The following ADAMTS3 variants were observed in gnomAD, a reference collection of about 807,000 sequenced individuals.
ADAMTS3 encodes the protein ADAM metallopeptidase with thrombospondin type 1 motif 3.
Under a neutral mutation model 129.0 loss-of-function variants are expected in ADAMTS3, and 73 were observed. The ratio of observed to expected loss-of-function variants is 0.57; its 90% CI spans 0.47 to 0.69. ADAMTS3 has a LOEUF of 0.69. Ranked by LOEUF, ADAMTS3 falls within the 30% of genes least tolerant of loss-of-function variation. The pLI, the probability that ADAMTS3 is intolerant of heterozygous loss-of-function variation, is 0.00. For missense variants in ADAMTS3, 1,457 were observed against 1,514.5 expected (o/e 0.96, Z 0.63); for synonymous variants, 477 against 510.8 (o/e 0.93, Z 0.89).
chr4:72,416,172 A>AATATAGATATATATATACATATATGT (rs1553913388), intron 3 of ADAMTS3, among the ~76,000 whole-genome samples: 1 of 146,084 alleles, frequency 6.8e-6, no homozygotes, highest in African/African-American at 2.5e-5. Context: ...AGCAAATATA[A>AATATAGATATATATATACATATATGT]ATATAAATAT....
chr4:72,509,227 A>C (rs759826543), intron 3 of ADAMTS3, among the ~76,000 whole-genome samples: 1 of 151,930 alleles, frequency 6.6e-6, no homozygotes, highest in Non-Finnish European at 1.5e-5. Flanking sequence ...TAGAAATGCA[A>C]GAGCAAAGCA....
chr4:72,455,097 A>G (rs1260343150), intron 3 of ADAMTS3, among the ~76,000 whole-genome samples: 2 of 151,730 alleles, frequency 1.3e-5, no homozygotes, highest in African/African-American at 4.8e-5. Context: ...AATTATCAAT[A>G]ATAAAAATCA....
intron 3 of ADAMTS3, among the ~76,000 whole-genome samples, chr4:72,463,499 C>A (rs1043160418): frequency 2.0e-5 from 3 of 151,810 alleles, no homozygotes; most frequent in Admixed American, 2.0e-4. Flanking sequence ...AAGACAAAAG[C>A]CACAATGAAC....
chr4:72,464,527 T>G (rs1718867138), intron 3 of ADAMTS3, among the ~76,000 whole-genome samples: 1 of 152,004 alleles, frequency 6.6e-6, no homozygotes, highest in Non-Finnish European at 1.5e-5. Flanking sequence ...ACTATAAATT[T>G]TTAACTAAAT....
Position 72,526,241 on chromosome 4 carries a change from T to C in ADAMTS3, c.504+22237A>G, listed in dbSNP as rs187625797. ...CAGAGAGAGTCCAGGGTTGTGCTAT[T>C]TAAAGCTATAAGCAGCTACTGTGGA... On this transcript the variant is annotated intron_variant, in intron 3 of 21. Transcript: ENST00000286657. Among the ~76,000 whole-genome samples the C allele has an allele frequency of 2.0e-5, 3 of 152,258 alleles. No homozygotes were observed. In the East Asian group the frequency reaches 5.8e-4, roughly 29 times the overall value.
At chr4:72,409,772 C>T (rs1722142870) in intron 4 of ADAMTS3, among the ~76,000 whole-genome samples, 1 of 152,122 alleles carries the variant, frequency 6.6e-6, no homozygotes, top group South Asian at 2.1e-4. Flanking sequence ...ATAAGTCAAT[C>T]TTCATATTGC....
chr4:72,432,709 G>C (rs866578203), intron 3 of ADAMTS3, among the ~76,000 whole-genome samples: 3 of 152,050 alleles, frequency 2.0e-5, no homozygotes, highest in Admixed American at 1.3e-4. Flanking sequence ...CCTTGAGACT[G>C]TCCTCTTCAT....
At chr4:72,567,848 C>CT (rs1722056201) in intron 1 of ADAMTS3, among the ~76,000 whole-genome samples, 1 of 152,212 alleles carries the variant, frequency 6.6e-6, no homozygotes, top group Middle Eastern at 3.2e-3. Context: ...GCTACAAAAA[C>CT]TAACAGAGAA....
rs560932853 is a variant in ADAMTS3 at position 72,547,017 on chromosome 4, TACAGCAGAGGGA to T, written c.504+1449_504+1460del. ...TTACACGTTGCTGAGATGGAGAACGTACAGCAGAGGGAACCATGAGCATCTCAGTAAGAGACT... is the reference window on the plus strand; with the variant it reads ...TTACACGTTGCTGAGATGGAGAACGTACCATGAGCATCTCAGTAAGAGACT... On this transcript the variant is annotated intron_variant, in intron 3 of 21. Transcript: ENST00000286657. 1.8e-3 allele frequency among the ~76,000 whole-genome samples: 279 copies of T among 152,286 alleles called. 1 individual carries two copies. Among genetic ancestry groups the T allele is most frequent in the African/African-American group, 6.5e-3 (269 of 41,570 alleles).
At chr4:72,493,518 C>T (rs1719799232) in intron 3 of ADAMTS3, among the ~76,000 whole-genome samples, 2 of 151,968 alleles carry the variant, frequency 1.3e-5, no homozygotes, top group Non-Finnish European at 2.9e-5. Context: ...CTCATACATA[C>T]ATTTTGTGTT....
chr4:72,291,497 G>A (rs1303927488), intron 19 of ADAMTS3, among the ~76,000 whole-genome samples: 5 of 147,864 alleles, frequency 3.4e-5, no homozygotes, highest in Admixed American at 2.1e-4. Context: ...GAGAACATGC[G>A]GTGTTTCGTT....
chr4:72,560,112 G>C (rs1327786769), intron 2 of ADAMTS3, among the ~76,000 whole-genome samples: 2 of 149,942 alleles, frequency 1.3e-5, no homozygotes, highest in Non-Finnish European at 2.9e-5. Flanking sequence ...GTGGTATTGG[G>C]AGAACTGGCT....
In ADAMTS3 at chr4:72,501,558, G is replaced by A. The variant is rs142600257; in HGVS notation, c.504+46920C>T. Reference sequence around the variant, plus strand: ...TTTTTTAGCTCTAGAATCATATCATGAGCAAAGAGAGATAATTTGACTCCT... The same window carrying A: ...TTTTTTAGCTCTAGAATCATATCATAAGCAAAGAGAGATAATTTGACTCCT... On this transcript the variant is annotated intron_variant, in intron 3 of 21. Transcript: ENST00000286657. Among the ~76,000 whole-genome samples the A allele has an allele frequency of 5.8e-3, 877 of 152,072 alleles. 2 individuals carry two copies. The highest frequency in any genetic ancestry group is 0.02 in the African/African-American group (831 of 41,498).
intron 4 of ADAMTS3, among the ~76,000 whole-genome samples, chr4:72,373,851 G>T (rs1721072655): frequency 6.6e-6 from 1 of 150,626 alleles, no homozygotes; most frequent in South Asian, 2.1e-4. Context: ...AGTGAACCAA[G>T]ATCACACCAC....
At chr4:72,384,710 T>A (rs1721390549) in intron 4 of ADAMTS3, among the ~76,000 whole-genome samples, 2 of 152,070 alleles carry the variant, frequency 1.3e-5, no homozygotes, top group South Asian at 4.1e-4. Context: ...CCAGATAAAA[T>A]CAGATGTCCA....
At chr4:72,532,366 A>G (rs1179654745) in intron 3 of ADAMTS3, among the ~76,000 whole-genome samples, 2 of 152,140 alleles carry the variant, frequency 1.3e-5, no homozygotes, top group Non-Finnish European at 2.9e-5. Context: ...GCAACACAGG[A>G]GGACTTTCCA....
Position 72,339,661 on chromosome 4 carries a change from T to A in ADAMTS3, c.694A>T (p.Thr232Ser). 1 of 1,613,826 alleles carries A rather than the reference T, an allele frequency of 6.2e-7. No individual in the cohort carries two copies. The highest frequency in any genetic ancestry group is 1.1e-5 in the South Asian group (1 of 91,072). ...TGCTGGTGGATGTTGCCATAAACAG[T>A]ACCTAGATCATCAAGGCCTTCCAGG... ...SDLEGLDDLG[T>S]VYGNIHQQLN... The change falls in exon 5 of 22, where the codon ACT becomes TCT. Residue 232 changes from threonine (T) to serine (S), a missense_variant. Thr to Ser is a moderately conservative substitution (Grantham distance 58). Coordinates refer to ENST00000286657, the MANE Select transcript of ADAMTS3 (RefSeq NM_014243.3).
At chr4:72,452,275 TAA>T (rs1409035343) in intron 3 of ADAMTS3, among the ~76,000 whole-genome samples, 5 of 151,286 alleles carry the variant, frequency 3.3e-5, no homozygotes, top group Non-Finnish European at 7.4e-5. Context: ...ATAATACGTA[TAA>T]GTTTATAATT....
intron 18 of ADAMTS3, 51 bp downstream of exon 18, chr4:72,298,226 T>C (rs1442049562): frequency 6.7e-7 from 1 of 1,482,522 alleles, no homozygotes; most frequent in South Asian, 1.3e-5. Flanking sequence ...GAAGCAAGAT[T>C]GGTTTTTATA....
Sources: gnomAD v4.1 joint callset for allele counts (sites outside exome capture counted in the v4.1 genomes callset) on GRCh38, gnomAD v4.1.1 for gene constraint, MANE v1.5 for transcripts, NCBI Gene and HGNC (gene_info 2026-07-23, HGNC 2026-07-21) for gene names.